RP1: variants seen among roughly 807,000 people sequenced by gnomAD.
RP1 encodes the protein oxygen-regulated protein 1.
RP1 carries 16 observed loss-of-function variants against 14.8 expected under a neutral mutation model. The ratio of observed to expected loss-of-function variants is 1.08; its 90% CI spans 0.73 to 1.65. The LOEUF is 1.65. Ranked by LOEUF, RP1 falls within the 40% of genes most tolerant of loss-of-function variation. The probability of loss-of-function intolerance (pLI) is 0.00; values close to 1 mark genes in which losing one functional copy is unlikely to be tolerated. For synonymous variants in RP1, 876 were observed against 883.6 expected (o/e 0.99, Z 0.15); for missense variants, 2,631 against 2,535.0 (o/e 1.04, Z -0.81).
At position 54,628,519 on chromosome 8, in the gene RP1, A is replaced by C; in HGVS notation, c.4637A>C (p.Gln1546Pro). The change falls in exon 4 of 4, where the codon CAA (glutamine) becomes CCA (proline). Residue 1546 changes from glutamine (Q) to proline (P), a missense_variant. Gln to Pro is a moderately conservative substitution (Grantham distance 76). Transcript: ENST00000220676. ...PSLDFCYDSKQNSEKETNEGE... is the reference protein window; with the variant it reads ...PSLDFCYDSKPNSEKETNEGE... ...TTAGATTTTTGCTATGATTCTAAGC[A>C]AAATAGTGAAAAGGAGACCAATGAA... The C allele has an allele frequency of 6.2e-7, 1 of 1,614,022 alleles. No homozygotes were observed. Among genetic ancestry groups the C allele is most frequent in the Non-Finnish European group, 8.5e-7 (1 of 1,179,928 alleles).
intron 12 of RP1, chr8:54,696,262 C>T: frequency 3.2e-6 from 1 of 316,836 alleles, no homozygotes; most frequent in East Asian, 6.3e-5. Context: ...CAATAACTAC[C>T]ATAATCCTCC....
In RP1 at chr8:54,624,904, T is replaced by C. The variant is rs1179455830; in HGVS notation, c.1022T>C (p.Ile341Thr). Residue 341 changes from isoleucine (I) to threonine (T), a missense_variant, in exon 4 of 4, where the codon ATA (isoleucine) becomes ACA (threonine). By Grantham distance (89) the Ile-to-Thr change is moderately conservative (BLOSUM62 -1). Coordinates refer to ENST00000220676, the MANE Select transcript of RP1 (RefSeq NM_006269.2). ...MTVEMKVRFR[I>T]KEEETIKWTT... ...GTTGAGATGAAAGTTCGATTCAGAATAAAAGAGGAAGAAACCATAAAATGG... is the reference window on the plus strand; with the variant it reads ...GTTGAGATGAAAGTTCGATTCAGAACAAAAGAGGAAGAAACCATAAAATGG... The C allele has an allele frequency of 1.2e-6, 2 of 1,614,008 alleles. No homozygotes were observed. The highest frequency in any genetic ancestry group is 1.7e-6 in the Non-Finnish European group (2 of 1,180,006).
At chr8:54,778,208 A>G (rs1460545386) in intron 23 of RP1, among the ~76,000 whole-genome samples, 3 of 152,098 alleles carry the variant, frequency 2.0e-5, no homozygotes, top group Admixed American at 2.0e-4. Flanking sequence ...CTATCTATCA[A>G]GGCACTTATT....
At chr8:54,681,709 AGT>A (rs937702109) in intron 12 of RP1, among the ~76,000 whole-genome samples, 1 of 151,984 alleles carries the variant, frequency 6.6e-6, no homozygotes, top group African/African-American at 2.4e-5. Flanking sequence ...AACAGGTCCC[AGT>A]GTGTGTTGTT....
intron 12 of RP1, among the ~76,000 whole-genome samples, chr8:54,695,162 T>C (rs1307761844): frequency 6.6e-6 from 1 of 152,206 alleles, no homozygotes; most frequent in Non-Finnish European, 1.5e-5. Context: ...AGTTCTAGTT[T>C]GATTGCACTG....
intron 12 of RP1, among the ~76,000 whole-genome samples, chr8:54,689,770 A>G (rs1807665433): frequency 6.6e-6 from 1 of 151,816 alleles, no homozygotes; most frequent in Admixed American, 6.6e-5. Context: ...CACTCTACCC[A>G]CTTTTGTTTG....
intron 25 of RP1, among the ~76,000 whole-genome samples, chr8:54,844,220 C>G (rs543305495): frequency 2.0e-5 from 3 of 152,224 alleles, no homozygotes; most frequent in Admixed American, 1.3e-4. Context: ...CCCAAAGAAC[C>G]CTTCATACCA....
Position 54,627,553 on chromosome 8 carries a change from G to A in RP1, c.3671G>A (p.Ser1224Asn), listed in dbSNP as rs780130777. 4.1e-5 allele frequency: 66 copies of A among 1,614,170 alleles called. No individual in the cohort carries two copies. The South Asian group carries it at 6.7e-4, about 16-fold the overall frequency. Residue 1224 changes from serine (S) to asparagine (N), a missense_variant, in exon 4 of 4, where the codon AGT (serine) becomes AAT (asparagine). Physicochemically the swap from Ser to Asn is conservative, Grantham distance 46. Transcript: ENST00000220676. The part of the protein sequence containing the change: ...TVNIQSVPKC[S>N]ENERTQGISS... ...AACATTCAGAGTGTTCCTAAGTGCA[G>A]TGAAAATGAAAGAACACAAGGAATC...
At chr8:54,646,705 CATT>C (rs1339644081) in intron 3 of RP1, among the ~76,000 whole-genome samples, 1 of 152,098 alleles carries the variant, frequency 6.6e-6, no homozygotes, top group Non-Finnish European at 1.5e-5. Context: ...CATCATATTT[CATT>C]ATTTTCATTT....
chr8:54,741,707 G>GTATATATATATATATATA (rs372225314), intron 19 of RP1, among the ~76,000 whole-genome samples: 5 of 58,036 alleles, frequency 8.6e-5, no homozygotes, highest in Non-Finnish European at 9.5e-5. Flanking sequence ...AAATGTGTGT[G>GTATATATATATATATATA]TATATATATA....
intron 1 of RP1, among the ~76,000 whole-genome samples, chr8:54,571,698 C>A (rs1804526551): frequency 6.6e-6 from 1 of 152,142 alleles, no homozygotes; most frequent in Admixed American, 6.5e-5. Context: ...GTTCTGGAGG[C>A]TGGAAGTCTG....
chr8:54,641,309 C>G (rs1011473207), intron 3 of RP1, among the ~76,000 whole-genome samples: 27 of 152,040 alleles, frequency 1.8e-4, no homozygotes, highest in Non-Finnish European at 4.0e-4. Flanking sequence ...AAGGCTGATC[C>G]TTTTCTGTTT....
upstream of RP1, among the ~76,000 whole-genome samples, chr8:54,614,605 A>G (rs752085540): frequency 1.4e-4 from 21 of 152,196 alleles, no homozygotes; most frequent in Non-Finnish European, 2.4e-4. Flanking sequence ...GCTCGACTGG[A>G]TAACAGGGAT....
At chr8:54,599,575 C>T (rs1805227381) in intron 1 of RP1, among the ~76,000 whole-genome samples, 1 of 151,976 alleles carries the variant, frequency 6.6e-6, no homozygotes, top group African/African-American at 2.4e-5. Flanking sequence ...TCTCATGGCT[C>T]AGCCTCCCGA....
chr8:54,782,594 T>C (rs540603343), intron 23 of RP1, among the ~76,000 whole-genome samples: 30 of 152,278 alleles, frequency 2.0e-4, no homozygotes, highest in African/African-American at 7.2e-4. Flanking sequence ...CAGGCTGTGA[T>C]GAGTAGAGGT....
At chr8:54,826,618 C>T (rs1811390562) in intron 24 of RP1, among the ~76,000 whole-genome samples, 1 of 152,128 alleles carries the variant, frequency 6.6e-6, no homozygotes. Flanking sequence ...ATCAAATAAT[C>T]CAATCATAAA....
intron 24 of RP1, among the ~76,000 whole-genome samples, chr8:54,802,730 A>C (rs2129389568): frequency 6.6e-6 from 1 of 152,322 alleles, no homozygotes; most frequent in Non-Finnish European, 1.5e-5. Flanking sequence ...AAACAATCCC[A>C]CTGAGAGAAA....
At chr8:54,737,734 G>T (rs1808967972) in intron 18 of RP1, among the ~76,000 whole-genome samples, 1 of 152,108 alleles carries the variant, frequency 6.6e-6, no homozygotes, top group Admixed American at 6.5e-5. Flanking sequence ...GAAAGTGGTG[G>T]TGGGCACTTA....
chr8:54,562,059 G>A (rs978596385), intron 1 of RP1: 1 of 152,102 alleles, frequency 6.6e-6, no homozygotes, highest in African/African-American at 2.4e-5. Flanking sequence ...TGAATGGATG[G>A]TCCTCAAACT....
Sources: gnomAD v4.1 joint callset for allele counts (sites outside exome capture counted in the v4.1 genomes callset) on GRCh38, gnomAD v4.1.1 for gene constraint, MANE v1.5 for transcripts, NCBI Gene and HGNC (gene_info 2026-07-23, HGNC 2026-07-21) for gene names.